STXBP5L: variants seen among roughly 807,000 people sequenced by gnomAD.
STXBP5L encodes the protein syntaxin-binding protein 5-like.
A neutral mutation model predicts 144.5 loss-of-function variants in STXBP5L; 65 were observed. That is an observed-to-expected ratio of 0.45 (90% CI 0.37 to 0.55). The LOEUF (loss-of-function observed/expected upper bound fraction) is 0.55, where lower values mean the gene tolerates loss of function less well. Ranked by LOEUF, STXBP5L falls within the 20% of genes least tolerant of loss-of-function variation. STXBP5L has a pLI of 0.00. For synonymous variants in STXBP5L, 505 were observed against 469.6 expected, an observed-to-expected ratio of 1.08 and a Z score of -0.97; for missense variants, 1,298 against 1,405.5, an observed-to-expected ratio of 0.92 and a Z score of 1.22.
intron 19 of STXBP5L, among the ~76,000 whole-genome samples, chr3:121,288,558 A>C (rs891202141): frequency 3.9e-5 from 6 of 152,132 alleles, no homozygotes; most frequent in Admixed American, 1.3e-4. Flanking sequence ...ATGGTATCTC[A>C]TTGTGGTTTT....
In STXBP5L at chr3:120,974,770, G is replaced by A. The variant is rs1392214213; in HGVS notation, c.287+19733G>A. Among the ~76,000 whole-genome samples, 6 of 152,150 alleles carry A rather than the reference G, an allele frequency of 3.9e-5. No individual in the cohort carries two copies. In the East Asian group the frequency reaches 9.6e-4, roughly 24 times the overall value. On this transcript the variant is annotated intron_variant, in intron 3 of 26. Coordinates refer to ENST00000471454, the MANE Select transcript of STXBP5L (RefSeq NM_001308330.2). Reference sequence around the variant, plus strand: ...TCAGCTTTCTACATATGGCTAGCCAGTTTTCCCAGCACCATTTATTAAATA... The same window carrying A: ...TCAGCTTTCTACATATGGCTAGCCAATTTTCCCAGCACCATTTATTAAATA...
chr3:121,051,772 C>A (rs1576785837), intron 5 of STXBP5L, among the ~76,000 whole-genome samples: 1 of 151,948 alleles, frequency 6.6e-6, no homozygotes, highest in Admixed American at 6.6e-5. Context: ...CACAAAAAAA[C>A]CCTTCAAAAA....
chr3:121,352,411 C>T (rs535693959), intron 20 of STXBP5L, among the ~76,000 whole-genome samples: 31 of 152,050 alleles, frequency 2.0e-4, no homozygotes, highest in African/African-American at 7.0e-4. Flanking sequence ...CCCTTGTAAG[C>T]TGGATTCCTA....
chr3:120,976,283 G>A (rs1017170980), intron 3 of STXBP5L, among the ~76,000 whole-genome samples: 2 of 152,162 alleles, frequency 1.3e-5, no homozygotes, highest in African/African-American at 4.8e-5. Context: ...GAGGGTGTAT[G>A]TGTCCAGGAA....
intron 5 of STXBP5L, among the ~76,000 whole-genome samples, chr3:121,090,168 T>C (rs906624094): frequency 6.6e-6 from 1 of 152,174 alleles, no homozygotes; most frequent in Non-Finnish European, 1.5e-5. Flanking sequence ...TTATGAGGTT[T>C]CAGTTTTTAT....
intron 9 of STXBP5L, among the ~76,000 whole-genome samples, chr3:121,193,576 T>C (rs1273414212): frequency 1.3e-5 from 2 of 152,226 alleles, no homozygotes; most frequent in Admixed American, 1.3e-4. Flanking sequence ...CCAACCCAAA[T>C]GTCCATCAAT....
intron 20 of STXBP5L, among the ~76,000 whole-genome samples, chr3:121,352,798 G>T (rs1466532274): frequency 5.3e-5 from 8 of 152,066 alleles, no homozygotes; most frequent in African/African-American, 1.9e-4. Context: ...TGCTCATTGA[G>T]TATGATATTG....
intron 19 of STXBP5L, chr3:121,282,365 G>C: frequency 2.5e-6 from 4 of 1,595,000 alleles, no homozygotes; most frequent in Non-Finnish European, 3.4e-6. Context: ...TAGGCAAATA[G>C]CCTTTTTAAG....
At chr3:120,982,827 T>G (rs1254904049) in intron 3 of STXBP5L, among the ~76,000 whole-genome samples, 1 of 152,190 alleles carries the variant, frequency 6.6e-6, no homozygotes, top group East Asian at 1.9e-4. Context: ...TCCCCCAATT[T>G]CCAGGCCCCT....
chr3:121,194,353 G>A (rs571889358), intron 9 of STXBP5L, among the ~76,000 whole-genome samples: 3 of 152,158 alleles, frequency 2.0e-5, no homozygotes, highest in Admixed American at 1.3e-4. Flanking sequence ...CATGTCGTAT[G>A]AGTACTTTAT....
intron 22 of STXBP5L, among the ~76,000 whole-genome samples, chr3:121,393,376 AGTTGTTTATTCACTCT>A (rs1355285048): frequency 6.6e-6 from 1 of 151,944 alleles, no homozygotes; most frequent in Non-Finnish European, 1.5e-5. Context: ...CCATTCCTCA[AGTTGTTTATTCACTCT>A]GTTGTTTATT....
chr3:120,962,205 T>TA (rs1311479235), intron 3 of STXBP5L, among the ~76,000 whole-genome samples: 1 of 151,996 alleles, frequency 6.6e-6, no homozygotes, highest in Non-Finnish European at 1.5e-5. Context: ...GATTGCAAAA[T>TA]TTTTCTTCCA....
chr3:121,224,644 T>A (rs559632603), intron 11 of STXBP5L, among the ~76,000 whole-genome samples: 1 of 152,292 alleles, frequency 6.6e-6, no homozygotes, highest in Admixed American at 6.5e-5. Context: ...AGTTAAATAG[T>A]CGTGGTTTCA....
At chr3:120,920,270 T>C (rs181602069) in intron 2 of STXBP5L, among the ~76,000 whole-genome samples, 181 of 151,874 alleles carry the variant, frequency 1.2e-3, no homozygotes, top group Middle Eastern at 6.8e-3. Flanking sequence ...ATCATGCTTC[T>C]TTGTTCTCTG....
intron 3 of STXBP5L, among the ~76,000 whole-genome samples, chr3:121,022,348 A>T (rs1210542442): frequency 6.6e-6 from 1 of 152,174 alleles, no homozygotes; most frequent in Non-Finnish European, 1.5e-5. Context: ...TCTATGAGAC[A>T]ATCAAATAAG....
intron 3 of STXBP5L, among the ~76,000 whole-genome samples, chr3:120,974,026 G>A (rs1157168628): frequency 2.6e-5 from 4 of 152,224 alleles, no homozygotes; most frequent in African/African-American, 7.2e-5. Context: ...CTTTATAGCA[G>A]CATGATTTAT....
At chr3:121,276,734 G>A (rs2050896922) in intron 18 of STXBP5L, among the ~76,000 whole-genome samples, 1 of 151,036 alleles carries the variant, frequency 6.6e-6, no homozygotes, top group South Asian at 2.1e-4. Flanking sequence ...ATTTTTACAT[G>A]TAATAAATTT....
chr3:121,041,622 G>A, intron 3 of STXBP5L, 78 bp from the exon 4 acceptor site: 1 of 1,069,762 alleles, frequency 9.3e-7, no homozygotes, highest in South Asian at 1.3e-5. Context: ...AACATCTGTT[G>A]ATCAATAAGT....
At chr3:121,294,915 G>A (rs1364087426) in intron 19 of STXBP5L, among the ~76,000 whole-genome samples, 1 of 152,116 alleles carries the variant, frequency 6.6e-6, no homozygotes, top group East Asian at 1.9e-4. Context: ...AAAGTTGTTA[G>A]TGACCCTTTA....
Sources: gnomAD v4.1 joint callset for allele counts (sites outside exome capture counted in the v4.1 genomes callset) on GRCh38, gnomAD v4.1.1 for gene constraint, MANE v1.5 for transcripts, NCBI Gene and HGNC (gene_info 2026-07-23, HGNC 2026-07-21) for gene names.